The following ADAMTS3 variants were observed in gnomAD, a reference collection of about 807,000 sequenced individuals.
ADAMTS3 encodes A disintegrin and metalloproteinase with thrombospondin motifs 3.
A neutral mutation model predicts 129.0 loss-of-function variants in ADAMTS3; 73 were observed. The ratio of observed to expected loss-of-function variants is 0.57; its 90% CI spans 0.47 to 0.69. The LOEUF is 0.69. ADAMTS3 is among the 30% of genes least tolerant of loss of function. ADAMTS3 has a pLI of 0.00. For missense variants in ADAMTS3, 1,457 were observed against 1,514.5 expected (o/e 0.96, Z 0.63); for synonymous variants, 477 against 510.8 (o/e 0.93, Z 0.89).
intron 3 of ADAMTS3, among the ~76,000 whole-genome samples, chr4:72,452,079 G>A (rs1048642195): frequency 6.1e-4 from 93 of 151,654 alleles, no homozygotes; most frequent in African/African-American, 2.2e-3. Context: ...GCCTGAGTGA[G>A]ACCCAGTTTC....
intron 4 of ADAMTS3, among the ~76,000 whole-genome samples, chr4:72,366,953 A>T (rs146042146): frequency 0.012 from 1,850 of 150,356 alleles, 19 homozygotes; most frequent in Middle Eastern, 0.048. Flanking sequence ...TCTCTCCTTT[A>T]TCCTCTTTTG....
Position 72,283,185 on chromosome 4 carries a change from T to C in ADAMTS3, c.3569A>G (p.Lys1190Arg), listed in dbSNP as rs1163988737. 6.2e-7 allele frequency: 1 copy of C among 1,613,812 alleles called. No individual in the cohort carries two copies. Among genetic ancestry groups the C allele is most frequent in the Admixed American group, 1.7e-5 (1 of 59,984 alleles). Residue 1190 changes from lysine (K) to arginine (R), a missense_variant, in exon 22 of 22, where the codon AAG (lysine) becomes AGG (arginine). Coordinates refer to ENST00000286657, the MANE Select transcript of ADAMTS3 (RefSeq NM_014243.3). ...SQARTSKKDG[K>R]IIDNRRPTRS... ...TGTCGGACGTCTGTTGTCAATGATC[T>C]TTCCATCTTTCTTTGAGGTTCTTGC...
At chr4:72,380,579 C>T (rs1721261126) in intron 4 of ADAMTS3, among the ~76,000 whole-genome samples, 1 of 152,094 alleles carries the variant, frequency 6.6e-6, no homozygotes, top group African/African-American at 2.4e-5. Flanking sequence ...GTACTTTTCC[C>T]TCTATTCTGG....
intron 3 of ADAMTS3, among the ~76,000 whole-genome samples, chr4:72,435,415 T>C (rs936491601): frequency 3.3e-5 from 5 of 151,910 alleles, no homozygotes; most frequent in Admixed American, 3.3e-4. Context: ...TAACCGATGT[T>C]GCATTTATTT....
In ADAMTS3 at chr4:72,283,452, ATCT is replaced by A. The variant is rs1420946064; in HGVS notation, c.3299_3301del (p.Lys1100del). ...CACTGAAGAGATGCTACTCAAAGAC[ATCT>A]TCTTTGCAGGGGTCTCTGAATGATA... On this transcript the variant is annotated inframe_deletion, in exon 22 of 22. Coordinates refer to ENST00000286657, the MANE Select transcript of ADAMTS3 (RefSeq NM_014243.3). 1 of 1,613,956 alleles carries A rather than the reference ATCT, an allele frequency of 6.2e-7. No homozygotes were observed. The highest frequency in any genetic ancestry group is 8.5e-7 in the Non-Finnish European group (1 of 1,179,990).
intron 8 of ADAMTS3, 42 bp downstream of exon 8, chr4:72,319,814 GAA>G: frequency 6.8e-7 from 1 of 1,463,992 alleles, no homozygotes; most frequent in South Asian, 1.1e-5. Flanking sequence ...AAGCAGGAAA[GAA>G]AAGATCTTTT....
At chr4:72,357,251 C>T (rs1030466600) in intron 4 of ADAMTS3, among the ~76,000 whole-genome samples, 3 of 151,880 alleles carry the variant, frequency 2.0e-5, no homozygotes, top group Non-Finnish European at 4.4e-5. Flanking sequence ...TGTGATAAAA[C>T]AATTCTACTC....
At chr4:72,526,823 T>C (rs939926161) in intron 3 of ADAMTS3, among the ~76,000 whole-genome samples, 1 of 147,846 alleles carries the variant, frequency 6.8e-6, no homozygotes, top group Admixed American at 6.8e-5. Flanking sequence ...CATGTATCTA[T>C]GTTTCAATCC....
chr4:72,359,579 A>G (rs1426671448), intron 4 of ADAMTS3, among the ~76,000 whole-genome samples: 1 of 152,052 alleles, frequency 6.6e-6, no homozygotes, highest in Non-Finnish European at 1.5e-5. Flanking sequence ...CAGTGAAAGA[A>G]CACAGTTACA....
chr4:72,523,562 C>T (rs1720730088), intron 3 of ADAMTS3, among the ~76,000 whole-genome samples: 1 of 151,958 alleles, frequency 6.6e-6, no homozygotes, highest in African/African-American at 2.4e-5. Flanking sequence ...CATTACATTA[C>T]ATTTTAATTA....
intron 4 of ADAMTS3, among the ~76,000 whole-genome samples, chr4:72,354,781 G>A (rs1271860518): frequency 6.6e-6 from 1 of 151,858 alleles, no homozygotes; most frequent in Non-Finnish European, 1.5e-5. Context: ...TATTTTGCTT[G>A]TCTCATCAGG....
chr4:72,409,931 G>T (rs935839708), intron 4 of ADAMTS3, among the ~76,000 whole-genome samples: 4 of 152,130 alleles, frequency 2.6e-5, no homozygotes, highest in Non-Finnish European at 5.9e-5. Flanking sequence ...ATAAGATGAT[G>T]CAGGTGTAAA....
chr4:72,293,014 C>T (rs1192712881), intron 19 of ADAMTS3, among the ~76,000 whole-genome samples: 1 of 151,978 alleles, frequency 6.6e-6, no homozygotes. Context: ...AAGTAAATGA[C>T]AAAAATGTTA....
At chr4:72,302,560 G>C (rs1447252746) in intron 17 of ADAMTS3, among the ~76,000 whole-genome samples, 1 of 151,968 alleles carries the variant, frequency 6.6e-6, no homozygotes, top group Non-Finnish European at 1.5e-5. Flanking sequence ...AGATGGGGTG[G>C]GGGTGAGGGT....
chr4:72,289,564 A>G (rs1718605452), intron 20 of ADAMTS3, among the ~76,000 whole-genome samples: 2 of 152,118 alleles, frequency 1.3e-5, no homozygotes, highest in African/African-American at 2.4e-5. Flanking sequence ...TTATCATCCT[A>G]TGTGGGTGAC....
intron 3 of ADAMTS3, among the ~76,000 whole-genome samples, chr4:72,529,815 AATAATAC>A (rs1720922316): frequency 1.1e-5 from 1 of 91,932 alleles, no homozygotes; most frequent in East Asian, 2.7e-4. Context: ...TATTATATAT[AATAATAC>A]ATAATATATA....
intron 3 of ADAMTS3, among the ~76,000 whole-genome samples, chr4:72,547,242 T>C (rs1721491049): frequency 2.0e-5 from 3 of 152,122 alleles, no homozygotes; most frequent in African/African-American, 7.2e-5. Flanking sequence ...CTGTAATTGG[T>C]AAAGGATTAA....
At chr4:72,333,236 C>A (rs1246285871) in intron 5 of ADAMTS3, among the ~76,000 whole-genome samples, 1 of 152,052 alleles carries the variant, frequency 6.6e-6, no homozygotes, top group Non-Finnish European at 1.5e-5. Flanking sequence ...GAATCTAGAC[C>A]CAAAACTAGA....
At chr4:72,361,870 C>A (rs1209422712) in intron 4 of ADAMTS3, among the ~76,000 whole-genome samples, 1 of 152,012 alleles carries the variant, frequency 6.6e-6, no homozygotes, top group African/African-American at 2.4e-5. Flanking sequence ...CAATTATTAG[C>A]AAAATTTTAA....
Sources: gnomAD v4.1 joint callset for allele counts (sites outside exome capture counted in the v4.1 genomes callset) on GRCh38, gnomAD v4.1.1 for gene constraint, MANE v1.5 for transcripts, NCBI Gene and HGNC (gene_info 2026-07-23, HGNC 2026-07-21) for gene names.